MTUS2: variants seen among roughly 807,000 people sequenced by gnomAD.
The protein encoded by MTUS2 is microtubule associated scaffold protein 2, also known as microtubule-associated tumor suppressor candidate 2.
MTUS2 carries 40 observed loss-of-function variants against 114.1 expected under a neutral mutation model. The observed-to-expected ratio is 0.35, with a 90% confidence interval of 0.27 to 0.46. The LOEUF (loss-of-function observed/expected upper bound fraction) is 0.46. Ranked by LOEUF, MTUS2 falls within the 20% of genes least tolerant of loss-of-function variation. MTUS2 has a pLI of 1.00. For synonymous variants in MTUS2, 688 were observed against 672.0 expected, an observed-to-expected ratio of 1.02 and a Z score of -0.37; for missense variants, 1,679 against 1,705.4, an observed-to-expected ratio of 0.98 and a Z score of 0.27.
chr13:29,247,172 C>T (rs975900236), intron 5 of MTUS2, among the ~76,000 whole-genome samples: 1 of 152,134 alleles, frequency 6.6e-6, no homozygotes, highest in Non-Finnish European at 1.5e-5. Context: ...GGAAAGGACA[C>T]CTTATTCAAC....
intron 7 of MTUS2, among the ~76,000 whole-genome samples, chr13:29,340,038 C>G (rs1017955670): frequency 4.6e-5 from 7 of 152,268 alleles, no homozygotes; most frequent in African/African-American, 1.7e-4. Context: ...AGCTTGGTGA[C>G]CGTTGGAATC....
chr13:28,985,879 G>A (rs767468725), intron 2 of MTUS2, among the ~76,000 whole-genome samples: 7 of 152,118 alleles, frequency 4.6e-5, no homozygotes, highest in African/African-American at 7.2e-5. Flanking sequence ...ACAGCCTTTG[G>A]ACTCCAACTG....
chr13:29,316,054 C>T (rs1036327900), intron 6 of MTUS2, among the ~76,000 whole-genome samples: 13 of 152,030 alleles, frequency 8.6e-5, no homozygotes, highest in Non-Finnish European at 1.6e-4. Flanking sequence ...ACTGTCAGGA[C>T]CTGAGGGTAA....
chr13:29,371,788 A>G (rs1173764426), intron 8 of MTUS2, among the ~76,000 whole-genome samples: 1 of 152,088 alleles, frequency 6.6e-6, no homozygotes, highest in Non-Finnish European at 1.5e-5. Flanking sequence ...CCTGTTTTCC[A>G]GGTAAAGAAA....
In MTUS2 at chr13:29,378,073, A is replaced by G. The variant is rs1001933745; in HGVS notation, c.3117+18600A>G. 5.3e-5 allele frequency among the ~76,000 whole-genome samples: 8 copies of G among 152,236 alleles called. No homozygotes were observed. The South Asian group carries it at 6.2e-4, about 12-fold the overall frequency. On this transcript the variant is annotated intron_variant, in intron 8 of 15. Coordinates refer to ENST00000612955, the MANE Select transcript of MTUS2 (RefSeq NM_001033602.4). Reference sequence around the variant, plus strand: ...ATAAGATTTTACAAAAGAAAAAACTATAGTGACAGAGAACAGATTAGTAGT... The same window carrying G: ...ATAAGATTTTACAAAAGAAAAAACTGTAGTGACAGAGAACAGATTAGTAGT...
In MTUS2 at chr13:29,357,970, T is replaced by C. The variant is rs78768184; in HGVS notation, c.2906-1292T>C. Among the ~76,000 whole-genome samples the C allele has an allele frequency of 1.6e-4, 24 of 152,318 alleles. No individual in the cohort carries two copies. The East Asian group carries it at 4.6e-3, about 29-fold the overall frequency. ...AACCCATTACTCTGCATTGTCTCAG[T>C]ACACCAGGTACTGAAGGGGCTACCA... On this transcript the variant is annotated intron_variant, in intron 7 of 15. Transcript: ENST00000612955.
intron 4 of MTUS2, among the ~76,000 whole-genome samples, chr13:29,098,720 C>T (rs1016155895): frequency 5.9e-5 from 9 of 152,146 alleles, no homozygotes; most frequent in African/African-American, 2.2e-4. Context: ...TGTTCAGTGG[C>T]TTGTCTTATA....
chr13:28,944,298 C>A (rs931036816), intron 2 of MTUS2, among the ~76,000 whole-genome samples: 2 of 152,094 alleles, frequency 1.3e-5, no homozygotes, highest in African/African-American at 4.8e-5. Context: ...CTTGACTGAT[C>A]TATCGAATAC....
intron 4 of MTUS2, among the ~76,000 whole-genome samples, chr13:29,081,397 T>C (rs1436285034): frequency 2.0e-5 from 3 of 152,078 alleles, no homozygotes; most frequent in Non-Finnish European, 4.4e-5. Flanking sequence ...TATTATTTTA[T>C]TGAATTTGAG....
At chr13:29,181,210 A>T (rs1893989647) in intron 5 of MTUS2, among the ~76,000 whole-genome samples, 1 of 120,726 alleles carries the variant, frequency 8.3e-6, no homozygotes, top group Admixed American at 8.6e-5. Flanking sequence ...TCTGTTCCTT[A>T]GTACCGACTG....
At chr13:28,981,415 A>G (rs1884355021) in intron 2 of MTUS2, among the ~76,000 whole-genome samples, 1 of 152,190 alleles carries the variant, frequency 6.6e-6, no homozygotes, top group African/African-American at 2.4e-5. Context: ...GGGAGGGTTG[A>G]CTACGAAGGA....
At chr13:29,435,047 G>A (rs1208711464) in intron 8 of MTUS2, among the ~76,000 whole-genome samples, 1 of 152,198 alleles carries the variant, frequency 6.6e-6, no homozygotes, top group Non-Finnish European at 1.5e-5. Context: ...CATTCCATCT[G>A]TGAATAAGAG....
chr13:28,926,859 T>C (rs976473108), intron 2 of MTUS2, among the ~76,000 whole-genome samples: 1 of 152,218 alleles, frequency 6.6e-6, no homozygotes, highest in South Asian at 2.1e-4. Context: ...AGTGAAGTTG[T>C]TTAGTTGCTG....
chr13:29,210,269 A>G (rs893674988), intron 5 of MTUS2, among the ~76,000 whole-genome samples: 1 of 151,938 alleles, frequency 6.6e-6, no homozygotes, highest in Non-Finnish European at 1.5e-5. Flanking sequence ...CTTCATTTTC[A>G]GAAGTTGTGA....
chr13:28,820,063 G>A (rs1198777188), upstream of MTUS2, among the ~76,000 whole-genome samples: 1 of 146,960 alleles, frequency 6.8e-6, no homozygotes. Context: ...CACCGCGGAC[G>A]GCACCTCGCG....
intron 2 of MTUS2, among the ~76,000 whole-genome samples, chr13:28,971,647 A>G (rs1267538257): frequency 1.3e-5 from 2 of 152,212 alleles, no homozygotes; most frequent in East Asian, 3.8e-4. Context: ...ATTCATTGCT[A>G]TTACCACTAA....
intron 1 of MTUS2, among the ~76,000 whole-genome samples, chr13:28,837,605 T>C (rs1259399851): frequency 6.6e-6 from 1 of 152,246 alleles, no homozygotes; most frequent in Admixed American, 6.5e-5. Context: ...CTTAATTTTG[T>C]TCACACTCTT....
intron 8 of MTUS2, among the ~76,000 whole-genome samples, chr13:29,421,860 C>G (rs1876132502): frequency 6.6e-6 from 1 of 152,076 alleles, no homozygotes; most frequent in Non-Finnish European, 1.5e-5. Flanking sequence ...TTGAGCCTGA[C>G]TACAATGACG....
At chr13:28,838,120 A>G (rs1441513994) in intron 1 of MTUS2, among the ~76,000 whole-genome samples, 2 of 152,238 alleles carry the variant, frequency 1.3e-5, no homozygotes, top group African/African-American at 4.8e-5. Flanking sequence ...TGGCACTAAA[A>G]GGAGATTAAA....
Sources: gnomAD v4.1 joint callset for allele counts (sites outside exome capture counted in the v4.1 genomes callset) on GRCh38, gnomAD v4.1.1 for gene constraint, MANE v1.5 for transcripts, NCBI Gene and HGNC (gene_info 2026-07-23, HGNC 2026-07-21) for gene names.